Variants in SPAG9 observed in about 807,000 individuals in gnomAD.
SPAG9 encodes the protein sperm associated antigen 9.
Under a neutral mutation model 166.5 loss-of-function variants are expected in SPAG9, and 35 were observed. That is an observed-to-expected ratio of 0.21 (90% CI 0.16 to 0.28). SPAG9 has a LOEUF of 0.28. Among genes scored for constraint, SPAG9 ranks in the 10% least tolerant of loss-of-function variants. The probability of loss-of-function intolerance (pLI) is 1.00; values close to 1 mark genes in which losing one functional copy is unlikely to be tolerated. For missense variants in SPAG9, 1,235 were observed against 1,603.3 expected, an observed-to-expected ratio of 0.77 and a Z score of 3.92; for synonymous variants, 534 against 565.5, an observed-to-expected ratio of 0.94 and a Z score of 0.79.
At position 51,081,279 on chromosome 17, in the gene SPAG9, G is replaced by C. The variant is rs545986180; in HGVS notation, c.304-1575C>G. On this transcript the variant is annotated intron_variant, in intron 1 of 29. Transcript: ENST00000262013. ...CAGCCTGTCCAACATGGTGAAATTCGGTCTCTACTAAAAACACAAAAATTA... is the reference window on the plus strand; with the variant it reads ...CAGCCTGTCCAACATGGTGAAATTCCGTCTCTACTAAAAACACAAAAATTA... Among the ~76,000 whole-genome samples, 6 of 151,658 alleles carry C rather than the reference G, an allele frequency of 4.0e-5. No individual in the cohort carries two copies. In the South Asian group the frequency reaches 1.2e-3, roughly 31 times the overall value.
intron 21 of SPAG9, among the ~76,000 whole-genome samples, chr17:50,988,141 G>C (rs1470611590): frequency 6.6e-6 from 1 of 152,184 alleles, no homozygotes; most frequent in Non-Finnish European, 1.5e-5. Flanking sequence ...GCTTGAACCT[G>C]GAAGGCGGAG....
At chr17:50,972,329 A>G (rs1254076537) in intron 28 of SPAG9, among the ~76,000 whole-genome samples, 3 of 152,254 alleles carry the variant, frequency 2.0e-5, no homozygotes, top group African/African-American at 7.2e-5. Context: ...ATGAGTTTGC[A>G]TAGTCATAAT....
intron 1 of SPAG9, among the ~76,000 whole-genome samples, chr17:51,095,507 C>A (rs966261114): frequency 1.3e-5 from 2 of 150,818 alleles, no homozygotes; most frequent in Non-Finnish European, 1.5e-5. Context: ...AAAAATGAGC[C>A]AGGCATGGTG....
chr17:51,112,156 T>C (rs1011715004), intron 1 of SPAG9, among the ~76,000 whole-genome samples: 3 of 152,098 alleles, frequency 2.0e-5, no homozygotes, highest in African/African-American at 7.2e-5. Flanking sequence ...ACATAGATTG[T>C]TCATTTCAGA....
intron 9 of SPAG9, among the ~76,000 whole-genome samples, chr17:51,013,287 T>C (rs2045566722): frequency 6.6e-6 from 1 of 152,216 alleles, no homozygotes; most frequent in Non-Finnish European, 1.5e-5. Flanking sequence ...TTAATTTCTA[T>C]AGGGTCCTAA....
intron 4 of SPAG9, among the ~76,000 whole-genome samples, chr17:51,043,238 C>T (rs548587158): frequency 3.3e-5 from 5 of 152,164 alleles, no homozygotes; most frequent in Non-Finnish European, 7.4e-5. Flanking sequence ...TATGAGCTGC[C>T]GGGACAACCA....
Position 50,979,802 on chromosome 17 carries a change from T to C in SPAG9, c.3353A>G (p.His1118Arg). 3 of 1,614,198 alleles carry C rather than the reference T, an allele frequency of 1.9e-6. No homozygotes were observed. The highest frequency in any genetic ancestry group is 2.5e-6 in the Non-Finnish European group (3 of 1,180,018). ...CACATCCTGTAGATGTTGATAAGTG[T>C]GTGCATGATAGAGACGGAGCGTAGA... is the stretch of plus-strand genomic sequence containing the variant. Reference protein sequence around the residue: ...LDSTLRLYHAHTYQHLQDVDI... With the variant: ...LDSTLRLYHARTYQHLQDVDI... Residue 1118 changes from histidine (H) to arginine (R), a missense_variant, in exon 26 of 30, where the codon CAC becomes CGC. This residue lies in a region of SPAG9 where 243 missense variants were observed against 358.6 expected (regional missense o/e 0.68). Transcript: ENST00000262013.
intron 1 of SPAG9, among the ~76,000 whole-genome samples, chr17:51,107,476 C>T (rs867169815): frequency 6.6e-5 from 10 of 152,116 alleles, no homozygotes; most frequent in South Asian, 2.1e-4. Context: ...CGGTGGCTCA[C>T]GCCTGTAATC....
chr17:50,974,490 T>A (rs10491150), intron 28 of SPAG9, among the ~76,000 whole-genome samples: 36,771 of 152,094 alleles, frequency 0.24, 5,287 homozygotes, highest in Admixed American at 0.34. Context: ...TTTTTGGCAA[T>A]CCACGATGAT....
intron 5 of SPAG9, among the ~76,000 whole-genome samples, chr17:51,035,517 G>A (rs1234390337): frequency 6.6e-6 from 1 of 152,170 alleles, no homozygotes; most frequent in African/African-American, 2.4e-5. Context: ...TAAAGAAATA[G>A]GAACAATTTC....
rs1451967163 is a variant in SPAG9 at position 51,005,262 on chromosome 17, C to T, written c.1426G>A (p.Ala476Thr). The change falls in exon 12 of 30, where the codon GCT (alanine) becomes ACT (threonine). Residue 476 changes from alanine to threonine, a missense_variant and splice_region_variant. Physicochemically the swap from Ala to Thr is moderately conservative, Grantham distance 58. Transcript: ENST00000262013. ...NRELEEELRKARAEAEDARQK... is the reference protein window; with the variant it reads ...NRELEEELRKTRAEAEDARQK... ...CTTGCATCTTCAGCTTCTGCCCGAG[C>T]TCTAGTGGGGAAAAAACAAAACAAA... The T allele has an allele frequency of 6.2e-7, 1 of 1,613,782 alleles. No homozygotes were observed. The highest frequency in any genetic ancestry group is 2.2e-5 in the East Asian group (1 of 44,852).
intron 2 of SPAG9, among the ~76,000 whole-genome samples, chr17:51,078,024 G>A (rs1017201026): frequency 1.7e-4 from 26 of 151,576 alleles, no homozygotes; most frequent in African/African-American, 5.1e-4. Context: ...CAAACTCCAA[G>A]GCTCAAGCAA....
chr17:51,085,959 A>AC (rs2048293682), intron 1 of SPAG9, among the ~76,000 whole-genome samples: 2 of 88,066 alleles, frequency 2.3e-5, no homozygotes, highest in Admixed American at 3.0e-4. Context: ...CTTGGAAATC[A>AC]TTTTTTTTTT....
At chr17:51,028,352 A>T (rs1217501863) in intron 6 of SPAG9, among the ~76,000 whole-genome samples, 1 of 152,136 alleles carries the variant, frequency 6.6e-6, no homozygotes, top group Non-Finnish European at 1.5e-5. Context: ...CTTCATATTC[A>T]CTCACTGCTC....
chr17:51,109,011 C>T (rs2049030283), intron 1 of SPAG9, among the ~76,000 whole-genome samples: 1 of 151,444 alleles, frequency 6.6e-6, no homozygotes. Context: ...TACAGACGTG[C>T]ACCACCAAGC....
rs543098426 is a variant in SPAG9, at chr17:51,049,304, C to T, written c.496-1835G>A. 2.6e-5 allele frequency among the ~76,000 whole-genome samples: 4 copies of T among 151,546 alleles called. No individual in the cohort carries two copies. In the East Asian group the frequency reaches 7.8e-4, roughly 30 times the overall value. On this transcript the variant is annotated intron_variant, in intron 3 of 29. Coordinates refer to ENST00000262013, the MANE Select transcript of SPAG9 (RefSeq NM_001130528.3). ...ACTGCTTGGACCCAGAAGTTCAAGG[C>T]TGCTGTGAGCTATGATCATGCCACT...
At chr17:50,982,448 T>G (rs1597904917) in intron 25 of SPAG9, 76 bp downstream of exon 25, 1 of 1,335,810 alleles carries the variant, frequency 7.5e-7, no homozygotes, top group Non-Finnish European at 1.0e-6. Context: ...CTAAAGAAGC[T>G]GAAAATAATT....
At chr17:50,998,679 A>C in intron 14 of SPAG9, 62 bp from the exon 15 acceptor site, 2 of 1,493,560 alleles carry the variant, frequency 1.3e-6, no homozygotes, top group Non-Finnish European at 1.8e-6. Context: ...TTGATTTTCC[A>C]CAAACTTTAA....
rs776406191 is a variant in SPAG9 at position 51,021,245 on chromosome 17, C to A, written c.904G>T (p.Val302Leu). 1 of 1,614,000 alleles carries A rather than the reference C, an allele frequency of 6.2e-7. No individual in the cohort carries two copies. Among genetic ancestry groups the A allele is most frequent in the Non-Finnish European group, 8.5e-7 (1 of 1,180,012 alleles). Residue 302 changes from valine (V) to leucine (L), a missense_variant, in exon 7 of 30, where the codon GTG becomes TTG. By Grantham distance (32) the Val-to-Leu change is conservative. Coordinates refer to ENST00000262013, the MANE Select transcript of SPAG9 (RefSeq NM_001130528.3). ...TTATTTGGCGCATCTGTAACCTTCA[C>A]AAATCCTTCGTTTTCTTCCTTTAAG... is the stretch of plus-strand genomic sequence containing the variant. The part of the protein sequence containing the change: ...TPLKEENEGF[V>L]KVTDAPNKSE...
Sources: allele counts gnomAD v4.1 joint callset (sites outside exome capture counted in the v4.1 genomes callset), GRCh38; gene constraint gnomAD v4.1.1; regional missense constraint gnomAD v4.1.1; transcripts MANE v1.5; gene names NCBI Gene and HGNC (gene_info 2026-07-23, HGNC 2026-07-21).